RHEBL1: variants seen among roughly 807,000 people sequenced by gnomAD.
The protein encoded by RHEBL1 is RHEB like 1.
RHEBL1 carries 22 observed loss-of-function variants against 27.4 expected under a neutral mutation model. That is an observed-to-expected ratio of 0.80 (90% confidence interval 0.57 to 1.15). The LOEUF (loss-of-function observed/expected upper bound fraction) is 1.15, where lower values mean the gene tolerates loss of function less well. Among genes scored for constraint, RHEBL1 ranks in the 50% most tolerant of loss-of-function variants. The probability of loss-of-function intolerance (pLI) is 0.00; values close to 1 mark genes in which losing one functional copy is unlikely to be tolerated. For synonymous variants in RHEBL1, 85 were observed against 80.8 expected (o/e 1.05, Z -0.28); for missense variants, 186 against 226.5 (o/e 0.82, Z 1.15).
At position 49,065,183 on chromosome 12, in the gene RHEBL1, C is replaced by T. The variant is rs1201043019; in HGVS notation, c.472G>A (p.Gly158Ser). 3.1e-6 allele frequency: 5 copies of T among 1,613,570 alleles called. No individual in the cohort carries two copies. In the South Asian group the frequency reaches 5.5e-5, roughly 18 times the overall value. The change falls in exon 8 of 8, where the codon GGC becomes AGC. Residue 158 changes from glycine to serine, a missense_variant. Gly to Ser is a moderately conservative substitution (Grantham distance 56). Around this residue, in one of 3 missense-constraint regions of RHEBL1, gnomAD observed 90 missense variants for 95.2 expected, o/e 0.95. Transcript: ENST00000301068. ...SSARENQLTQ[G>S]IFTKVIQEIA... Reference sequence around the variant, plus strand: ...TCCTGGATGACTTTGGTGAAGATGCCTTGAGTCAGCTATAAGAGGAGAGGA... The same window carrying T: ...TCCTGGATGACTTTGGTGAAGATGCTTTGAGTCAGCTATAAGAGGAGAGGA...
intron 2 of RHEBL1, among the ~76,000 whole-genome samples, chr12:49,068,302 T>G (rs946453086): frequency 2.0e-5 from 3 of 152,050 alleles, no homozygotes; most frequent in Non-Finnish European, 4.4e-5. Context: ...GCTAATTTTT[T>G]GTATTTTTAG....
intron 5 of RHEBL1, 83 bp downstream of exon 5, chr12:49,066,393 C>T (rs1397747806): frequency 1.3e-6 from 2 of 1,554,354 alleles, no homozygotes; most frequent in Middle Eastern, 1.7e-4. Flanking sequence ...TCCGAGCCTC[C>T]TCTCTAACTT....
chr12:49,069,624 C>A, intron 1 of RHEBL1, 110 bp downstream of exon 1: 1 of 971,120 alleles, frequency 1.0e-6, no homozygotes, highest in South Asian at 1.3e-5. Context: ...CGCTCTACAA[C>A]CCCATCCTTA....
intron 2 of RHEBL1, among the ~76,000 whole-genome samples, chr12:49,067,685 C>T (rs1031951213): frequency 2.0e-5 from 3 of 152,182 alleles, no homozygotes; most frequent in Middle Eastern, 3.4e-3. Context: ...GAGGGTGAAG[C>T]GTGAGAATTG....
chr12:49,067,582 C>T (rs982764929), intron 2 of RHEBL1, among the ~76,000 whole-genome samples: 3 of 151,990 alleles, frequency 2.0e-5, no homozygotes, highest in Non-Finnish European at 4.4e-5. Context: ...AGTTTGAGAC[C>T]AGCCTGGCCA....
At chr12:49,067,195 C>T (rs1050326294) in intron 2 of RHEBL1, among the ~76,000 whole-genome samples, 160 bp from the exon 3 acceptor site, 9 of 151,400 alleles carry the variant, frequency 5.9e-5, no homozygotes, top group Non-Finnish European at 7.4e-5. Flanking sequence ...CTCTGCCACC[C>T]GGGTTCAAGC....
chr12:49,064,857 T>C lies in RHEBL1; in HGVS notation c.*246A>G. ...CCTGACCCCATAGGTTATAACAGAA[T>C]TCATCAAACAAAAACAGAGGGCTAG... On this transcript the variant is annotated 3_prime_UTR_variant, in exon 8 of 8. Coordinates refer to ENST00000301068, the MANE Select transcript of RHEBL1 (RefSeq NM_144593.3). The C allele has an allele frequency of 1.9e-6, 1 of 525,986 alleles. No homozygotes were observed. The highest frequency in any genetic ancestry group is 2.3e-5 in the South Asian group (1 of 43,500). The allele number at this position is 525,986 out of a possible 1,614,324, so 32.6% of individuals were successfully genotyped here. A position where few individuals can be genotyped will look rare whatever the true frequency, so the allele number is the denominator to read the frequency against.
chr12:49,065,090 C>A lies in RHEBL1; in HGVS notation c.*13G>T. On this transcript the variant is annotated 3_prime_UTR_variant, in exon 8 of 8. Transcript: ENST00000301068. ...GGGGGCAGAAGCAAGGCAGTTACCC[C>A]ACACCCAAGGGCTCACATGAGATGG... is the stretch of plus-strand genomic sequence containing the variant. 1 of 1,603,792 alleles carries A rather than the reference C, an allele frequency of 6.2e-7. No homozygotes were observed.
chr12:49,067,340 C>T (rs370630901), intron 2 of RHEBL1, among the ~76,000 whole-genome samples: 2 of 151,684 alleles, frequency 1.3e-5, no homozygotes, highest in African/African-American at 2.4e-5. Context: ...TATTCACAGG[C>T]GCACTCTTAG....
intron 7 of RHEBL1, 68 bp from the exon 8 acceptor site, chr12:49,065,260 G>T: frequency 1.3e-6 from 2 of 1,540,144 alleles, no homozygotes; most frequent in Non-Finnish European, 9.0e-7. Flanking sequence ...TGGGGTGAAA[G>T]CCCCATTCCC....
intron 1 of RHEBL1, 42 bp from the exon 2 acceptor site, chr12:49,069,148 C>T: frequency 6.2e-7 from 1 of 1,613,952 alleles, no homozygotes; most frequent in Non-Finnish European, 8.5e-7. Context: ...ATCATCCATC[C>T]ACATTCACAT....
chr12:49,068,135 CT>C (rs1461973521), intron 2 of RHEBL1, among the ~76,000 whole-genome samples: 1 of 128,956 alleles, frequency 7.8e-6, no homozygotes, highest in Non-Finnish European at 1.7e-5. Flanking sequence ...TTTTTTTTTT[CT>C]TTTTTTTCTT....
chr12:49,066,796 G>A lies in RHEBL1; in HGVS notation c.193-95C>T, dbSNP rs879215662. 5.5e-5 allele frequency: 67 copies of A among 1,216,758 alleles called. 1 individual carries two copies. The South Asian group carries it at 6.7e-4, about 12-fold the overall frequency. 75.4% of individuals were successfully genotyped at this position (1,216,758 alleles called of 1,614,324 possible). ...ATCCAGGTGACCCTCCCTGGGGCAC[G>A]CCCTACTATAGTCACTTCAACATGT... On this transcript the variant is annotated intron_variant, in intron 3 of 7. Transcript: ENST00000301068.
rs1939063174 is a variant in RHEBL1 at position 49,069,942 on chromosome 12, C to T, written c.-157G>A. On this transcript the variant is annotated 5_prime_UTR_variant, in exon 1 of 8. Transcript: ENST00000301068. ...AGGAAACCAAAACAAGCGCCGCGCC[C>T]GGAGCTGCCCACGTGATCACAACAC... 6.1e-6 allele frequency: 4 copies of T among 657,328 alleles called. No homozygotes were observed. Among genetic ancestry groups the T allele is most frequent in the Non-Finnish European group, 1.1e-5 (4 of 368,080 alleles). The allele number at this position is 657,328 out of a possible 1,614,324, so 40.7% of individuals were successfully genotyped here. A position where few individuals can be genotyped will look rare whatever the true frequency, so the allele number is the denominator to read the frequency against.
intron 5 of RHEBL1, 86 bp downstream of exon 5, chr12:49,066,390 C>A: frequency 6.4e-7 from 1 of 1,552,432 alleles, no homozygotes. Flanking sequence ...ATATCCGAGC[C>A]TCCTCTCTAA....
Position 49,065,611 on chromosome 12 carries a change from C to T in RHEBL1, c.381-180G>A, listed in dbSNP as rs115257433. Among the ~76,000 whole-genome samples the T allele has an allele frequency of 9.7e-3, 1,469 of 151,848 alleles. 22 individuals are homozygous for T. The highest frequency in any genetic ancestry group is 0.034 in the African/African-American group (1,403 of 41,384). Reference sequence around the variant, plus strand: ...GAGTTCAAGACCAGCCTGGACAACACAGGGAAACACCATCTCTATTAAAAA... The same window carrying T: ...GAGTTCAAGACCAGCCTGGACAACATAGGGAAACACCATCTCTATTAAAAA... On this transcript the variant is annotated intron_variant, in intron 6 of 7. Transcript: ENST00000301068.
chr12:49,066,431 C>A, intron 5 of RHEBL1, 45 bp downstream of exon 5: 2 of 1,590,238 alleles, frequency 1.3e-6, no homozygotes, highest in Non-Finnish European at 1.7e-6. Flanking sequence ...CTCTCTCCCA[C>A]CCCCTCATGC....
chr12:49,068,464 C>T (rs1223568303), intron 2 of RHEBL1, among the ~76,000 whole-genome samples: 1 of 110,178 alleles, frequency 9.1e-6, no homozygotes, highest in Admixed American at 1.2e-4. Context: ...TTGAGACAGT[C>T]TCACCCTGAC....
In RHEBL1 at chr12:49,069,843, G is replaced by A. The variant is rs563061685; in HGVS notation, c.-58C>T. ...GCGGGCTCAGAGAGCCCGAAAACGA[G>A]GTCAGGGTGTGAGCAGGCGCGGCAG... is the stretch of plus-strand genomic sequence containing the variant. On this transcript the variant is annotated 5_prime_UTR_variant, in exon 1 of 8. Coordinates refer to ENST00000301068, the MANE Select transcript of RHEBL1 (RefSeq NM_144593.3). 1.8e-4 allele frequency: 277 copies of A among 1,511,214 alleles called. No homozygotes were observed. In the Middle Eastern group the frequency reaches 2.2e-3, roughly 12 times the overall value. 93.6% of individuals were successfully genotyped at this position (1,511,214 alleles called of 1,614,324 possible). A position where few individuals can be genotyped will look rare whatever the true frequency, so the allele number is the denominator to read the frequency against.
Sources: gnomAD v4.1 joint callset for allele counts (sites outside exome capture counted in the v4.1 genomes callset) on GRCh38, gnomAD v4.1.1 for gene constraint, gnomAD v4.1.1 regional missense constraint, MANE v1.5 for transcripts, NCBI Gene and HGNC (gene_info 2026-07-23, HGNC 2026-07-21) for gene names.